AIG1: variants seen among roughly 807,000 people sequenced by gnomAD.
AIG1 encodes the protein androgen induced 1.
Under a neutral mutation model 31.4 loss-of-function variants are expected in AIG1, and 23 were observed. That is an observed-to-expected ratio of 0.73 (90% CI 0.53 to 1.04). The LOEUF is 1.04. Among genes scored for constraint, AIG1 ranks in the 50% least tolerant of loss-of-function variants. The pLI, the probability that AIG1 is intolerant of heterozygous loss-of-function variation, is 0.00. For synonymous variants in AIG1, 100 were observed against 110.5 expected, an observed-to-expected ratio of 0.90 and a Z score of 0.60; for missense variants, 274 against 295.0, an observed-to-expected ratio of 0.93 and a Z score of 0.52.
At chr6:143,091,837 A>G (rs939340793) in intron 1 of AIG1, among the ~76,000 whole-genome samples, 1 of 152,220 alleles carries the variant, frequency 6.6e-6, no homozygotes, top group Non-Finnish European at 1.5e-5. Context: ...CATGCATAAG[A>G]TGAAATGTAC....
At chr6:143,113,976 G>A (rs760078268) in intron 1 of AIG1, among the ~76,000 whole-genome samples, 23 of 151,954 alleles carry the variant, frequency 1.5e-4, no homozygotes, top group African/African-American at 3.6e-4. Context: ...GGGTTTCACC[G>A]TGTTAGGCAG....
downstream of AIG1, chr6:143,342,787 T>A: frequency 1.2e-6 from 1 of 804,316 alleles, no homozygotes; most frequent in Non-Finnish European, 2.3e-6. Flanking sequence ...TGTATTCTGT[T>A]TGTGGAGAGT....
intron 5 of AIG1, chr6:143,339,208 TG>T (rs1295960258): frequency 6.6e-6 from 1 of 152,622 alleles, no homozygotes; most frequent in African/African-American, 2.4e-5. Context: ...CCAAAGTCCT[TG>T]CCTTAGGAAG....
In AIG1 at chr6:143,275,109, G is replaced by A. The variant is rs1222652291; in HGVS notation, c.400-9001G>A. ...TTCTTTTTGTTCTTTATCTTATGTT[G>A]TTGTCTGTATTGTGGAGCTTATTAA... On this transcript the variant is annotated intron_variant, in intron 3 of 5. Coordinates refer to ENST00000357847, the MANE Select transcript of AIG1 (RefSeq NM_016108.4). Among the ~76,000 whole-genome samples, 12 of 152,272 alleles carry A rather than the reference G, an allele frequency of 7.9e-5. No individual in the cohort carries two copies. In the East Asian group the frequency reaches 1.7e-3, roughly 22 times the overall value.
chr6:143,178,438 A>G (rs1788393864), intron 3 of AIG1, among the ~76,000 whole-genome samples: 1 of 152,142 alleles, frequency 6.6e-6, no homozygotes, highest in Non-Finnish European at 1.5e-5. Context: ...GTTTCCAGGT[A>G]GCTCCCTATA....
chr6:143,318,564 TA>T (rs1775950496), intron 4 of AIG1, among the ~76,000 whole-genome samples: 1 of 152,038 alleles, frequency 6.6e-6, no homozygotes, highest in Admixed American at 6.6e-5. Flanking sequence ...TTCTAGATAT[TA>T]GCTTAGGCAA....
chr6:143,206,030 AGGTATTATGACTG>A (rs1225959528), intron 3 of AIG1, among the ~76,000 whole-genome samples: 1 of 152,236 alleles, frequency 6.6e-6, no homozygotes, highest in Non-Finnish European at 1.5e-5. Flanking sequence ...TAAATGACCA[AGGTATTATGACTG>A]TGTTGATCCA....
Position 143,184,699 on chromosome 6 carries a change from A to G in AIG1, c.399+19516A>G, listed in dbSNP as rs1486809671. Among the ~76,000 whole-genome samples, 7 of 152,078 alleles carry G rather than the reference A, an allele frequency of 4.6e-5. No individual in the cohort carries two copies. In the East Asian group the frequency reaches 1.2e-3, roughly 25 times the overall value. On this transcript the variant is annotated intron_variant, in intron 3 of 5. Transcript: ENST00000357847. Reference sequence around the variant, plus strand: ...AACTGAGGCAGCAGCCTCGTCTCTCATCTCCTGGCCTCTGCCCTCTTTCTT... The same window carrying G: ...AACTGAGGCAGCAGCCTCGTCTCTCGTCTCCTGGCCTCTGCCCTCTTTCTT...
chr6:143,107,179 G>T (rs182447321), intron 1 of AIG1, among the ~76,000 whole-genome samples: 1 of 152,120 alleles, frequency 6.6e-6, no homozygotes, highest in African/African-American at 2.4e-5. Context: ...TTTTTATAAC[G>T]TAGCACTGTT....
chr6:143,167,429 G>A (rs1573992), intron 3 of AIG1, among the ~76,000 whole-genome samples: 37,437 of 152,044 alleles, frequency 0.25, 4,941 homozygotes, highest in Non-Finnish European at 0.31. Context: ...CTGACATTAC[G>A]AGAGACTTTG....
At chr6:143,169,114 C>T (rs957069824) in intron 3 of AIG1, among the ~76,000 whole-genome samples, 2 of 151,800 alleles carry the variant, frequency 1.3e-5, no homozygotes, top group African/African-American at 4.8e-5. Flanking sequence ...TATAAAACTA[C>T]ATGTGACAAT....
At chr6:143,112,675 A>G (rs117350060) in intron 1 of AIG1, among the ~76,000 whole-genome samples, 1 of 152,158 alleles carries the variant, frequency 6.6e-6, no homozygotes, top group Admixed American at 6.5e-5. Flanking sequence ...AGTTCTATTT[A>G]AGTGTATACA....
intron 3 of AIG1, among the ~76,000 whole-genome samples, chr6:143,213,331 C>G (rs1489666169): frequency 6.6e-6 from 1 of 151,878 alleles, no homozygotes; most frequent in Non-Finnish European, 1.5e-5. Flanking sequence ...AAGGATCTTA[C>G]CATCGTTGAA....
At chr6:143,127,265 C>T (rs1196002126) in intron 1 of AIG1, among the ~76,000 whole-genome samples, 4 of 152,176 alleles carry the variant, frequency 2.6e-5, no homozygotes, top group African/African-American at 9.7e-5. Flanking sequence ...TGCCTCTTTC[C>T]CATTTGTTCT....
intron 2 of AIG1, among the ~76,000 whole-genome samples, chr6:143,141,917 A>G (rs1225371491): frequency 1.3e-5 from 2 of 152,092 alleles, no homozygotes; most frequent in Non-Finnish European, 2.9e-5. Flanking sequence ...AGAAGAGCAG[A>G]AACAGCAAAT....
Position 143,329,610 on chromosome 6 carries a change from A to T in AIG1, c.516-3672A>T, listed in dbSNP as rs72998189. 7.1e-3 allele frequency among the ~76,000 whole-genome samples: 1,080 copies of T among 152,364 alleles called. 12 individuals are homozygous for T. Among genetic ancestry groups the T allele is most frequent in the Non-Finnish European group, 8.5e-3 (579 of 68,038 alleles). ...GTGTGCTGAAGGAACTTTGTGAAAT[A>T]CAAAGAACTACTTAAACAAGTAGTC... On this transcript the variant is annotated intron_variant, in intron 4 of 5. Coordinates refer to ENST00000357847, the MANE Select transcript of AIG1 (RefSeq NM_016108.4). The surrounding 1 kb of genome is among the most constrained non-coding windows in gnomAD (Gnocchi z 4.9).
At chr6:143,314,303 A>G (rs934334634) in intron 4 of AIG1, among the ~76,000 whole-genome samples, 2 of 151,542 alleles carry the variant, frequency 1.3e-5, no homozygotes, top group African/African-American at 2.4e-5. Flanking sequence ...GAGTTGAGCT[A>G]TGATCCTACT....
chr6:143,226,911 A>C (rs1040932936), intron 3 of AIG1, among the ~76,000 whole-genome samples: 2 of 151,920 alleles, frequency 1.3e-5, no homozygotes, highest in African/African-American at 2.4e-5. Flanking sequence ...CCCGCAGCCG[A>C]CATGCAGCCC....
At chr6:143,061,786 GTTA>G (rs1012925881) in intron 1 of AIG1, among the ~76,000 whole-genome samples, 22 of 152,300 alleles carry the variant, frequency 1.4e-4, no homozygotes, top group African/African-American at 5.3e-4. Context: ...ACAGGTGCAG[GTTA>G]TTATTAGTAT....
Sources: gnomAD v4.1 joint callset for allele counts (sites outside exome capture counted in the v4.1 genomes callset) on GRCh38, gnomAD v4.1.1 for gene constraint, Gnocchi (gnomAD v3.1) non-coding constraint, MANE v1.5 for transcripts, NCBI Gene and HGNC (gene_info 2026-07-23, HGNC 2026-07-21) for gene names.